Variants in RBPJ observed in about 807,000 individuals in gnomAD.
RBPJ encodes the protein recombination signal binding protein for immunoglobulin kappa J region, also known as recombining binding protein suppressor of hairless.
RBPJ carries 9 observed loss-of-function variants against 67.8 expected under a neutral mutation model. That is an observed-to-expected ratio of 0.13 (90% CI 0.08 to 0.23). The LOEUF (loss-of-function observed/expected upper bound fraction) is 0.23, where lower values mean the gene tolerates loss of function less well. Ranked by LOEUF, RBPJ falls within the 10% of genes least tolerant of loss-of-function variation. The pLI is 1.00. For missense variants in RBPJ, 305 were observed against 595.6 expected, an observed-to-expected ratio of 0.51 and a Z score of 5.08; for synonymous variants, 198 against 203.3, an observed-to-expected ratio of 0.97 and a Z score of 0.22.
chr4:26,172,891 A>G (rs1336485245), intron 1 of RBPJ, among the ~76,000 whole-genome samples: 2 of 152,172 alleles, frequency 1.3e-5, no homozygotes, highest in Non-Finnish European at 2.9e-5. Flanking sequence ...CAATCCCACA[A>G]TCCTAACCAC....
rs1735037224 is a variant in RBPJ at position 26,420,668 on chromosome 4, C to T, written c.439C>T (p.Arg147Trp). Residue 147 changes from arginine to tryptophan, a missense_variant, in exon 5 of 11, where the codon CGG becomes TGG. Physicochemically the swap from Arg to Trp is moderately radical, Grantham distance 101. Around this residue, in one of 7 missense-constraint regions of RBPJ, gnomAD observed 66 missense variants for 226.0 expected, o/e 0.29. Coordinates refer to ENST00000355476, the MANE Select transcript of RBPJ (RefSeq NM_015874.6). ...SDDIGVFLSK[R>W]IKVISKPSKK... ...TGACATTGGTGTGTTCCTCAGCAAG[C>T]GGATAAAAGTCATCTCCAAACCTTC... is the stretch of plus-strand genomic sequence containing the variant. The T allele has an allele frequency of 5.0e-6, 8 of 1,613,644 alleles. No individual in the cohort carries two copies. The highest frequency in any genetic ancestry group is 1.7e-5 in the Admixed American group (1 of 59,966).
intron 1 of RBPJ, among the ~76,000 whole-genome samples, chr4:26,277,604 G>T (rs1334700433): frequency 3.3e-5 from 5 of 152,248 alleles, no homozygotes; most frequent in Admixed American, 6.5e-5. Flanking sequence ...TGAGTGGATG[G>T]TGTGTTGGAC....
intron 1 of RBPJ, among the ~76,000 whole-genome samples, chr4:26,349,056 T>C (rs1399383993): frequency 6.6e-6 from 1 of 151,188 alleles, no homozygotes; most frequent in Non-Finnish European, 1.5e-5. Context: ...CAGGAACTCA[T>C]TTTATCATCA....
rs575716130 is a variant in RBPJ, at chr4:26,362,516, C to T, written c.21-23837C>T. ...CTTCGGAACCATTATGATCTCAAAA[C>T]GAAAGGAGAATGATACAGATACACT... On this transcript the variant is annotated intron_variant, in intron 1 of 10. Transcript: ENST00000355476. The T allele has an allele frequency of 1.8e-3, 2,779 of 1,564,396 alleles. 37 individuals are homozygous for T. In the South Asian group the frequency reaches 0.018, roughly 10 times the overall value.
upstream of RBPJ, among the ~76,000 whole-genome samples, chr4:26,162,301 T>G (rs1409139848): frequency 6.6e-6 from 1 of 152,204 alleles, no homozygotes; most frequent in African/African-American, 2.4e-5. Context: ...TGTGGGACTT[T>G]CCATGCTAAT....
chr4:26,182,454 A>G (rs1717043007), intron 1 of RBPJ, among the ~76,000 whole-genome samples: 1 of 152,046 alleles, frequency 6.6e-6, no homozygotes, highest in Non-Finnish European at 1.5e-5. Flanking sequence ...TTATTCTAAA[A>G]GCTTTTTAAA....
chr4:26,385,783 T>A lies in RBPJ; in HGVS notation c.21-570T>A, dbSNP rs990941614. On this transcript the variant is annotated intron_variant, in intron 1 of 10. Coordinates refer to ENST00000355476, the MANE Select transcript of RBPJ (RefSeq NM_015874.6). Reference sequence around the variant, plus strand: ...TTTTTCTTTTTCTTTTCTTTTTTTTTAATATATTATTTATTTATTTTTTTA... The same window carrying A: ...TTTTTCTTTTTCTTTTCTTTTTTTTAAATATATTATTTATTTATTTTTTTA... Among the ~76,000 whole-genome samples the A allele has an allele frequency of 1.3e-3, 202 of 151,008 alleles. 2 individuals carry two copies. Among genetic ancestry groups the A allele is most frequent in the African/African-American group, 3.9e-3 (163 of 41,390 alleles).
intron 1 of RBPJ, among the ~76,000 whole-genome samples, chr4:26,255,638 TA>T (rs553711128): frequency 6.7e-6 from 1 of 148,838 alleles, no homozygotes; most frequent in African/African-American, 2.5e-5. Flanking sequence ...CCGTCTCTAC[TA>T]AAAATACAAA....
chr4:26,273,467 C>T (rs527340591), intron 1 of RBPJ, among the ~76,000 whole-genome samples: 1 of 152,350 alleles, frequency 6.6e-6, no homozygotes, highest in Admixed American at 6.5e-5. Context: ...GCGGGCCTCC[C>T]GGCCTTGGCA....
chr4:26,346,081 C>T (rs891875195), intron 1 of RBPJ, among the ~76,000 whole-genome samples: 2 of 151,978 alleles, frequency 1.3e-5, no homozygotes, highest in Non-Finnish European at 2.9e-5. Context: ...AGTGAAATTT[C>T]AAAAATAGTC....
chr4:26,214,379 G>A (rs1419582110), intron 1 of RBPJ, among the ~76,000 whole-genome samples: 2 of 106,410 alleles, frequency 1.9e-5, no homozygotes, highest in African/African-American at 3.6e-5. Flanking sequence ...GAAGGAGAGA[G>A]AAAGAAGGGG....
chr4:26,137,034 GGACAA>G, the RBPJ span, among the ~76,000 whole-genome samples: 2 of 152,146 alleles, frequency 1.3e-5, no homozygotes, highest in African/African-American at 4.8e-5. Flanking sequence ...CACAAATGGG[GGACAA>G]GACAAAAGTG....
At chr4:26,323,064 G>A (rs1723257735) in intron 1 of RBPJ, 1 of 151,226 alleles carries the variant, frequency 6.6e-6, no homozygotes, top group Non-Finnish European at 1.5e-5. Context: ...GAGTATTGGA[G>A]CATTGGAAAA....
rs1301326904 is a variant in RBPJ at position 26,254,907 on chromosome 4, C to G, written c.-167+91293C>G. Among the ~76,000 whole-genome samples the G allele has an allele frequency of 3.8e-5, 4 of 106,306 alleles. 1 individual carries two copies. The highest frequency in any genetic ancestry group is 1.3e-4 in the African/African-American group (3 of 23,072). 69.7% of individuals were successfully genotyped at this position (106,306 alleles called of 152,430 possible). ...CAGAGACAAGGTTTCAGGCTGGTGTCGAGACCAAGCTGGTCTTGAACTCAT... is the reference window on the plus strand; with the variant it reads ...CAGAGACAAGGTTTCAGGCTGGTGTGGAGACCAAGCTGGTCTTGAACTCAT... On this transcript the variant is annotated intron_variant, in intron 1 of 4. Transcript: ENST00000512351.
chr4:26,179,527 T>C (rs1716908176), intron 1 of RBPJ, among the ~76,000 whole-genome samples: 1 of 151,918 alleles, frequency 6.6e-6, no homozygotes, highest in Non-Finnish European at 1.5e-5. Flanking sequence ...ATGTAATGAG[T>C]GTGATCTTAG....
intron 1 of RBPJ, among the ~76,000 whole-genome samples, chr4:26,274,894 A>G (rs983991232): frequency 2.0e-5 from 3 of 152,074 alleles, no homozygotes; most frequent in Non-Finnish European, 4.4e-5. Context: ...AGATCACGCC[A>G]TTGCATGATC....
chr4:26,339,991 C>T (rs974915848), intron 1 of RBPJ, among the ~76,000 whole-genome samples: 1 of 151,994 alleles, frequency 6.6e-6, no homozygotes, highest in African/African-American at 2.4e-5. Flanking sequence ...TGCGCTCCAG[C>T]CTGGGTGACA....
chr4:26,158,681 G>T (rs140006029), upstream of RBPJ, among the ~76,000 whole-genome samples: 34 of 152,276 alleles, frequency 2.2e-4, no homozygotes, highest in African/African-American at 7.7e-4. Context: ...TTGATTTGCA[G>T]ACCTGGCAAT....
the RBPJ span, among the ~76,000 whole-genome samples, chr4:26,137,953 C>G: frequency 6.6e-6 from 1 of 152,210 alleles, no homozygotes; most frequent in Non-Finnish European, 1.5e-5. Context: ...TGGGGAAGAG[C>G]ATGCAACTCA....
Sources: gnomAD v4.1 joint callset for allele counts (sites outside exome capture counted in the v4.1 genomes callset) on GRCh38, gnomAD v4.1.1 for gene constraint, gnomAD v4.1.1 regional missense constraint, MANE v1.5 for transcripts, NCBI Gene and HGNC (gene_info 2026-07-23, HGNC 2026-07-21) for gene names.